KRT23: variants seen among roughly 807,000 people sequenced by gnomAD.
KRT23 encodes the protein keratin, type I cytoskeletal 23.
Under a neutral mutation model 47.6 loss-of-function variants are expected in KRT23, and 38 were observed. The observed-to-expected ratio is 0.80, with a 90% CI of 0.62 to 1.05. The LOEUF is 1.05. KRT23 is among the 50% of genes least tolerant of loss of function. The pLI, the probability that KRT23 is intolerant of heterozygous loss-of-function variation, is 0.00. For missense variants in KRT23, 503 were observed against 529.5 expected, an observed-to-expected ratio of 0.95 and a Z score of 0.49; for synonymous variants, 191 against 199.0, an observed-to-expected ratio of 0.96 and a Z score of 0.34.
chr17:40,925,192 G>C (rs1909146166), intron 7 of KRT23, 162 bp downstream of exon 7: 1 of 619,346 alleles, frequency 1.6e-6, no homozygotes, highest in Non-Finnish European at 2.9e-6. Flanking sequence ...TATACTTGCT[G>C]CTTAGTGAAA....
chr17:40,926,920 C>A (rs1909258579), intron 6 of KRT23, among the ~76,000 whole-genome samples: 2 of 151,940 alleles, frequency 1.3e-5, no homozygotes, highest in African/African-American at 2.4e-5. Context: ...CTCCTTTCTT[C>A]TTCCCTTCAT....
rs139361222 is a variant in KRT23, at chr17:40,936,489, C to G, written c.115G>C (p.Gly39Arg). 9 of 1,564,780 alleles carry G rather than the reference C, an allele frequency of 5.8e-6. No homozygotes were observed. The highest frequency in any genetic ancestry group is 7.8e-6 in the Non-Finnish European group (9 of 1,155,622). Residue 39 changes from glycine to arginine, a missense_variant, in exon 2 of 9, where the codon GGG becomes CGG. Gly to Arg is a moderately radical substitution (Grantham distance 125). Coordinates refer to ENST00000209718, the MANE Select transcript of KRT23 (RefSeq NM_015515.5). ...PRAPTVHGGA[G>R]GARISLSFTT... is the part of the protein sequence containing the mutation. ...AAGGACAGGGAGATGCGGGCTCCCCCCGCACCGCCATGGACGGTGGGAGCC... is the reference window on the plus strand; with the variant it reads ...AAGGACAGGGAGATGCGGGCTCCCCGCGCACCGCCATGGACGGTGGGAGCC...
Position 40,936,487 on chromosome 17 carries a change from C to T in KRT23, c.117G>A (p.Gly39=), listed in dbSNP as rs749681218. Residue 39 remains glycine, a synonymous_variant, in exon 2 of 9, where the codon GGG becomes GGA. Coordinates refer to ENST00000209718, the MANE Select transcript of KRT23 (RefSeq NM_015515.5). ...PRAPTVHGGA[G]GARISLSFTT... is the part of the protein sequence containing the mutation. ...TGAAGGACAGGGAGATGCGGGCTCC[C>T]CCCGCACCGCCATGGACGGTGGGAG... The T allele has an allele frequency of 3.8e-6, 6 of 1,564,942 alleles. No homozygotes were observed. The Admixed American group carries it at 1.1e-4, about 29-fold the overall frequency.
At chr17:40,934,952 C>T (rs577184341) in intron 2 of KRT23, among the ~76,000 whole-genome samples, 16 of 152,100 alleles carry the variant, frequency 1.1e-4, no homozygotes, top group Admixed American at 2.0e-4. Flanking sequence ...ATCTCTTCCG[C>T]GAGCTCATAA....
In KRT23 at chr17:40,931,413, T is replaced by C. The variant is rs1454331145; in HGVS notation, c.439A>G (p.Ile147Val). 1.2e-6 allele frequency: 2 copies of C among 1,613,294 alleles called. No homozygotes were observed. Among genetic ancestry groups the C allele is most frequent in the Non-Finnish European group, 1.7e-6 (2 of 1,179,184 alleles). ...TCCACTGCCATCCTGGCATTGTCAA[T>C]GAGAAGAATAATCTGAGCATTGGTC... Reference protein sequence around the residue: ...KMTNAQIILLIDNARMAVDDF... With the variant: ...KMTNAQIILLVDNARMAVDDF... Residue 147 changes from isoleucine (I) to valine (V), a missense_variant, in exon 3 of 9, where the codon ATT (isoleucine) becomes GTT (valine). By Grantham distance (29) the Ile-to-Val change is conservative. Transcript: ENST00000209718.
At chr17:40,924,232 A>T (rs747224970) in intron 8 of KRT23, among the ~76,000 whole-genome samples, 2 of 152,206 alleles carry the variant, frequency 1.3e-5, no homozygotes, top group Non-Finnish European at 2.9e-5. Context: ...CTTAATAGAG[A>T]CATAATACTA....
chr17:40,933,174 A>T (rs1386829923), intron 2 of KRT23, among the ~76,000 whole-genome samples: 1 of 152,220 alleles, frequency 6.6e-6, no homozygotes, highest in Non-Finnish European at 1.5e-5. Flanking sequence ...CAGGTTCTAT[A>T]TGCTGAGATG....
At chr17:40,927,708 A>G (rs1909318854) in intron 6 of KRT23, among the ~76,000 whole-genome samples, 1 of 152,210 alleles carries the variant, frequency 6.6e-6, no homozygotes, top group Non-Finnish European at 1.5e-5. Context: ...GATAAGACAT[A>G]TACATAAATG....
chr17:40,930,101 G>T lies in KRT23; in HGVS notation c.480-5C>A. The T allele has an allele frequency of 1.9e-6, 3 of 1,613,380 alleles. No individual in the cohort carries two copies. The South Asian group carries it at 3.3e-5, about 18-fold the overall frequency. On this transcript the variant is annotated splice_region_variant and splice_polypyrimidine_tract_variant and intron_variant, in intron 3 of 8. Transcript: ENST00000209718. Reference sequence around the variant, plus strand: ...AAGGAGTGTTCATTTTCATACCTTTGGTGAGAAGGAAGAGAAGAGTGCACT... The same window carrying T: ...AAGGAGTGTTCATTTTCATACCTTTTGTGAGAAGGAAGAGAAGAGTGCACT...
rs535115680 is a variant in KRT23 at position 40,932,960 on chromosome 17, G to A, written c.397-1505C>T. On this transcript the variant is annotated intron_variant, in intron 2 of 8. Coordinates refer to ENST00000209718, the MANE Select transcript of KRT23 (RefSeq NM_015515.5). ...TCTCAGTTTATTCATCCATAAAATA[G>A]CAATAACAATAGTTACTTCATCAAA... 6.6e-5 allele frequency among the ~76,000 whole-genome samples: 10 copies of A among 152,232 alleles called. No homozygotes were observed. The South Asian group carries it at 2.1e-3, about 32-fold the overall frequency.
rs181367091 is a variant in KRT23, at chr17:40,928,573, T to A, written c.671A>T (p.Asn224Ile). 1 of 1,613,792 alleles carries A rather than the reference T, an allele frequency of 6.2e-7. No homozygotes were observed. Among genetic ancestry groups the A allele is most frequent in the South Asian group, 1.1e-5 (1 of 91,052 alleles). ...MEKHHVPSDF[N>I]VNVKVDTGPR... ...ACCTGTATCCACCTTCACATTGACA[T>A]TGAAGTCACTTGGCACATGATGCTT... Residue 224 changes from asparagine (N) to isoleucine (I), a missense_variant, in exon 5 of 9, where the codon AAT (asparagine) becomes ATT (isoleucine). Coordinates refer to ENST00000209718, the MANE Select transcript of KRT23 (RefSeq NM_015515.5).
intron 3 of KRT23, 31 bp from the exon 4 acceptor site, chr17:40,930,127 CATT>C: frequency 1.3e-6 from 2 of 1,594,638 alleles, no homozygotes; most frequent in Admixed American, 1.7e-5. Flanking sequence ...AGAGTGCACT[CATT>C]GTTGGAAGGC....
At chr17:40,937,028 A>G (rs1002821586) in intron 1 of KRT23, 75 bp from the exon 2 acceptor site, 10 of 166,606 alleles carry the variant, frequency 6.0e-5, no homozygotes, top group Middle Eastern at 2.6e-3. Context: ...AAAAAAAACC[A>G]AAAACCAAAA....
At chr17:40,931,342 A>C (rs768658319) in intron 3 of KRT23, 31 bp downstream of exon 3, 2 of 1,541,330 alleles carry the variant, frequency 1.3e-6, no homozygotes, top group South Asian at 2.2e-5. Flanking sequence ...ACAAACAAAA[A>C]CCCGAACAAC....
chr17:40,930,136 A>C (rs1376714000), intron 3 of KRT23, 40 bp from the exon 4 acceptor site: 1 of 1,577,072 alleles, frequency 6.3e-7, no homozygotes. Flanking sequence ...TCATTGTTGG[A>C]AGGCCATGGT....
intron 4 of KRT23, among the ~76,000 whole-genome samples, chr17:40,928,837 C>A (rs954186920): frequency 6.6e-6 from 1 of 151,892 alleles, no homozygotes; most frequent in Non-Finnish European, 1.5e-5. Context: ...ACCAACCTGA[C>A]CAGCATGGAG....
chr17:40,927,047 A>G (rs551331017), intron 6 of KRT23, among the ~76,000 whole-genome samples: 36 of 152,116 alleles, frequency 2.4e-4, no homozygotes, highest in Non-Finnish European at 3.8e-4. Flanking sequence ...CCATCACCAC[A>G]TCAAGCACCT....
At chr17:40,926,756 T>C (rs1176176883) in intron 6 of KRT23, among the ~76,000 whole-genome samples, 2 of 152,226 alleles carry the variant, frequency 1.3e-5, no homozygotes, top group African/African-American at 4.8e-5. Context: ...CTCCTTCAGC[T>C]ACAGCAAAGC....
chr17:40,932,262 G>A (rs1464114758), intron 2 of KRT23, among the ~76,000 whole-genome samples: 1 of 152,106 alleles, frequency 6.6e-6, no homozygotes, highest in Non-Finnish European at 1.5e-5. Flanking sequence ...ACTTTCACTA[G>A]ATGTTCGTAT....
Sources: allele counts gnomAD v4.1 joint callset (sites outside exome capture counted in the v4.1 genomes callset), GRCh38; gene constraint gnomAD v4.1.1; transcripts MANE v1.5; gene names NCBI Gene and HGNC (gene_info 2026-07-23, HGNC 2026-07-21).